PRDM10: variants seen among roughly 807,000 people sequenced by gnomAD.
The protein encoded by PRDM10 is PR/SET domain 10.
Under a neutral mutation model 133.1 loss-of-function variants are expected in PRDM10, and 65 were observed. The ratio of observed to expected loss-of-function variants is 0.49; its 90% CI spans 0.40 to 0.60. PRDM10 has a LOEUF of 0.60. Ranked by LOEUF, PRDM10 falls within the 20% of genes least tolerant of loss-of-function variation. The pLI, the probability that PRDM10 is intolerant of heterozygous loss-of-function variation, is 0.00. For synonymous variants in PRDM10, 582 were observed against 580.4 expected (o/e 1.00, Z -0.04); for missense variants, 1,137 against 1,507.1 (o/e 0.75, Z 4.07).
At chr11:129,986,511 C>T (rs61167380) in intron 1 of PRDM10, among the ~76,000 whole-genome samples, 2,993 of 152,228 alleles carry the variant, frequency 0.02, 79 homozygotes, top group African/African-American at 0.062. Context: ...CTCAGAAACA[C>T]GAGTAGCTGG....
intron 3 of PRDM10, among the ~76,000 whole-genome samples, chr11:129,955,776 T>C (rs926174105): frequency 6.6e-6 from 1 of 152,248 alleles, no homozygotes; most frequent in African/African-American, 2.4e-5. Flanking sequence ...AAAGAGATTG[T>C]ATAAGCTAAC....
intron 18 of PRDM10, among the ~76,000 whole-genome samples, chr11:129,910,897 C>T (rs1172077291): frequency 6.6e-6 from 1 of 152,162 alleles, no homozygotes; most frequent in East Asian, 1.9e-4. Flanking sequence ...CTGCCTCAGC[C>T]TCGCGAGTAG....
chr11:129,990,072 G>A (rs899817890), intron 1 of PRDM10, among the ~76,000 whole-genome samples: 5 of 152,198 alleles, frequency 3.3e-5, no homozygotes, highest in Admixed American at 6.5e-5. Flanking sequence ...GGCATGGGGC[G>A]TGGTGGCTCA....
intron 7 of PRDM10, among the ~76,000 whole-genome samples, chr11:129,942,137 C>T (rs147321825): frequency 1.3e-5 from 2 of 152,268 alleles, no homozygotes; most frequent in Non-Finnish European, 2.9e-5. Flanking sequence ...CTGAAGTGAT[C>T]CAACTGTCTC....
At chr11:129,948,165 C>G in intron 4 of PRDM10, 1 of 438,044 alleles carries the variant, frequency 2.3e-6, no homozygotes, top group South Asian at 1.6e-5. Context: ...TATCAAATAT[C>G]CTGGCAGAAA....
chr11:129,960,853 C>T, intron 2 of PRDM10, 43 bp downstream of exon 2: 2 of 1,607,220 alleles, frequency 1.2e-6, no homozygotes, highest in Non-Finnish European at 8.5e-7. Context: ...CTGAGTCCAG[C>T]TGAAAACCTC....
rs370978697 is a variant in PRDM10, at chr11:129,936,578, G to A, written c.1039+1020C>T. On this transcript the variant is annotated intron_variant, in intron 8 of 20. Coordinates refer to ENST00000360871, the MANE Select transcript of PRDM10 (RefSeq NM_199437.2). ...TGAGGCAGGAGAATGGCGTGAGCCC[G>A]GGAGGTGGAGCTTGCAGTGAGCCGA... Among the ~76,000 whole-genome samples the A allele has an allele frequency of 9.4e-4, 143 of 152,224 alleles. No homozygotes were observed. The East Asian group carries it at 0.016, about 17-fold the overall frequency.
At chr11:130,000,171 G>A (rs1198890052) in intron 1 of PRDM10, among the ~76,000 whole-genome samples, 1 of 151,690 alleles carries the variant, frequency 6.6e-6, no homozygotes, top group Non-Finnish European at 1.5e-5. Context: ...AGCCTCCCGA[G>A]TAGTTGGGAT....
intron 1 of PRDM10, among the ~76,000 whole-genome samples, chr11:129,999,285 C>G (rs1339027526): frequency 1.3e-5 from 2 of 152,224 alleles, no homozygotes; most frequent in Non-Finnish European, 2.9e-5. Flanking sequence ...CCTCCTGCCT[C>G]TACCTATCCC....
intron 7 of PRDM10, among the ~76,000 whole-genome samples, chr11:129,938,964 C>T (rs899885365): frequency 1.1e-4 from 17 of 152,308 alleles, no homozygotes; most frequent in East Asian, 7.7e-4. Flanking sequence ...GTTTCACCCC[C>T]ACAAGTGCTG....
Position 129,955,503 on chromosome 11 carries a change from G to T in PRDM10, c.294+9C>A, listed in dbSNP as rs1486142440. The T allele has an allele frequency of 1.9e-6, 3 of 1,613,632 alleles. No homozygotes were observed. In the African/African-American group the frequency reaches 4.0e-5, roughly 22 times the overall value. ...GTTATCCCCAAACAAGAAAAAGGCAGTTCGTTACCTGCTGAGCTGTAGCAT... is the reference window on the plus strand; with the variant it reads ...GTTATCCCCAAACAAGAAAAAGGCATTTCGTTACCTGCTGAGCTGTAGCAT... On this transcript the variant is annotated intron_variant, in intron 4 of 20. Coordinates refer to ENST00000360871, the MANE Select transcript of PRDM10 (RefSeq NM_199437.2).
chr11:130,001,045 G>A (rs1034974392), intron 1 of PRDM10, among the ~76,000 whole-genome samples: 2 of 152,048 alleles, frequency 1.3e-5, no homozygotes, highest in Non-Finnish European at 2.9e-5. Context: ...AGGTCGAGTC[G>A]GCAGTGAGCC....
rs201571129 is a variant in PRDM10, at chr11:129,947,453, G to T, written c.295-83C>A. On this transcript the variant is annotated intron_variant, in intron 4 of 20. Transcript: ENST00000360871. The surrounding 1 kb of genome is among the most constrained non-coding windows in gnomAD (Gnocchi z 4.6). ...TGGTGCCTGCTGGCACAAACAGGGC[G>T]CAAGGGCTGGCTGAAATCTAGTCTT... 9.5e-6 allele frequency: 15 copies of T among 1,584,804 alleles called. No homozygotes were observed. The East Asian group carries it at 3.4e-4, about 36-fold the overall frequency.
At chr11:129,922,161 C>T (rs1182504229) in intron 13 of PRDM10, among the ~76,000 whole-genome samples, 1 of 152,172 alleles carries the variant, frequency 6.6e-6, no homozygotes, top group African/African-American at 2.4e-5. Context: ...CCTGATTGAA[C>T]TGTGGTTGAA....
chr11:129,931,642 A>C (rs1238240294), intron 10 of PRDM10, among the ~76,000 whole-genome samples: 1 of 149,696 alleles, frequency 6.7e-6, no homozygotes, highest in East Asian at 2.0e-4. Flanking sequence ...ATCTCGACTC[A>C]CTGCAAGCTC....
Position 129,912,121 on chromosome 11 carries a change from GACCTGGATGTGCTGC to G in PRDM10, c.2931_2945del (p.Gln978_Val982del). 6.2e-7 allele frequency: 1 copy of G among 1,612,992 alleles called. No homozygotes were observed. The highest frequency in any genetic ancestry group is 1.3e-5 in the African/African-American group (1 of 75,018). Reference sequence around the variant, plus strand: ...ACGGGGCCGAGGCGGTAGGCTCGCTGACCTGGATGTGCTGCACCTGGATGGCGTGCTGGGGGTAGG... The same window carrying G: ...ACGGGGCCGAGGCGGTAGGCTCGCTGACCTGGATGGCGTGCTGGGGGTAGG... On this transcript the variant is annotated inframe_deletion, in exon 18 of 21. Transcript: ENST00000360871.
chr11:129,941,553 T>C (rs1266061923), intron 7 of PRDM10, among the ~76,000 whole-genome samples: 1 of 152,226 alleles, frequency 6.6e-6, no homozygotes, highest in Non-Finnish European at 1.5e-5. Context: ...GTCACAGATA[T>C]ACACGCGTTC....
intron 1 of PRDM10, among the ~76,000 whole-genome samples, chr11:129,999,653 T>G (rs969319712): frequency 6.6e-6 from 1 of 152,214 alleles, no homozygotes; most frequent in Non-Finnish European, 1.5e-5. Context: ...TGTTTACCAG[T>G]GCTTAAAATG....
At chr11:129,941,424 C>T (rs1447691984) in intron 7 of PRDM10, among the ~76,000 whole-genome samples, 2 of 152,174 alleles carry the variant, frequency 1.3e-5, no homozygotes, top group Non-Finnish European at 2.9e-5. Flanking sequence ...GAAGTCGGCA[C>T]ATAGGATCCT....
Sources: gnomAD v4.1 joint callset for allele counts (sites outside exome capture counted in the v4.1 genomes callset) on GRCh38, gnomAD v4.1.1 for gene constraint, Gnocchi (gnomAD v3.1) non-coding constraint, MANE v1.5 for transcripts, NCBI Gene and HGNC (gene_info 2026-07-23, HGNC 2026-07-21) for gene names.